Variants in DLC1 observed in about 807,000 individuals in gnomAD.
DLC1 encodes DLC1 Rho GTPase activating protein.
Under a neutral mutation model 140.3 loss-of-function variants are expected in DLC1, and 54 were observed. The ratio of observed to expected loss-of-function variants is 0.38; its 90% CI spans 0.31 to 0.48. The LOEUF (loss-of-function observed/expected upper bound fraction) is 0.48. Among genes scored for constraint, DLC1 ranks in the 20% least tolerant of loss-of-function variants. The pLI is 0.96. For synonymous variants in DLC1, 986 were observed against 728.1 expected, an observed-to-expected ratio of 1.35 and a Z score of -5.70; for missense variants, 2,536 against 1,907.0, an observed-to-expected ratio of 1.33 and a Z score of -6.14.
chr8:13,495,326 G>T (rs1801452474), intron 2 of DLC1, among the ~76,000 whole-genome samples: 2 of 152,004 alleles, frequency 1.3e-5, no homozygotes, highest in Admixed American at 1.3e-4. Flanking sequence ...CATCTCATCT[G>T]GTTTAAAGAG....
intron 5 of DLC1, among the ~76,000 whole-genome samples, chr8:13,152,268 G>A (rs534540239): frequency 1.3e-5 from 2 of 152,310 alleles, no homozygotes; most frequent in Non-Finnish European, 2.9e-5. Flanking sequence ...TCTAGTCATT[G>A]CTAATGGTGG....
At chr8:13,233,087 T>G (rs2697750) in intron 5 of DLC1, among the ~76,000 whole-genome samples, 71,886 of 151,648 alleles carry the variant, frequency 0.47, 17,553 homozygotes, top group East Asian at 0.81. Context: ...TTGAGGCCAG[T>G]AGTTTGAGAC....
chr8:13,578,505 G>T (rs752380000), intron 1 of DLC1, among the ~76,000 whole-genome samples: 13 of 152,086 alleles, frequency 8.5e-5, no homozygotes, highest in Non-Finnish European at 1.8e-4. Context: ...CAGGTTAAGA[G>T]CTCAGTCCTA....
intron 2 of DLC1, among the ~76,000 whole-genome samples, chr8:13,484,606 A>G (rs1277115899): frequency 1.3e-5 from 2 of 152,060 alleles, no homozygotes; most frequent in Non-Finnish European, 2.9e-5. Flanking sequence ...GTTACAACTC[A>G]TTCTTGATTC....
intron 1 of DLC1, among the ~76,000 whole-genome samples, chr8:13,524,652 G>T (rs2117292617): frequency 6.6e-6 from 1 of 151,638 alleles, no homozygotes; most frequent in Admixed American, 6.6e-5. Context: ...TCTTAAAGTT[G>T]CAAAGAAAGG....
At chr8:13,115,437 C>T (rs35858677) in intron 6 of DLC1, 149 bp downstream of exon 6, 1 of 697,438 alleles carries the variant, frequency 1.4e-6, no homozygotes, top group South Asian at 2.6e-5. Flanking sequence ...TTGTTTTCAG[C>T]GGTGGGGGTC....
At chr8:13,228,950 AGGATGTGGAG>A (rs1828926071) in intron 5 of DLC1, among the ~76,000 whole-genome samples, 1 of 152,182 alleles carries the variant, frequency 6.6e-6, no homozygotes, top group Non-Finnish European at 1.5e-5. Flanking sequence ...AGTGTTGGTA[AGGATGTGGAG>A]GGATTGGAAC....
chr8:13,417,913 G>T (rs780608882), intron 2 of DLC1, among the ~76,000 whole-genome samples: 8 of 152,108 alleles, frequency 5.3e-5, no homozygotes, highest in South Asian at 2.1e-4. Context: ...ATTCTAACTC[G>T]TGTGAGATGG....
At chr8:13,195,521 C>G (rs1041402636) in intron 5 of DLC1, among the ~76,000 whole-genome samples, 6 of 152,130 alleles carry the variant, frequency 3.9e-5, no homozygotes, top group African/African-American at 1.4e-4. Context: ...AATGAGGATG[C>G]TTAATTTCTA....
intron 1 of DLC1, among the ~76,000 whole-genome samples, chr8:13,544,167 C>T (rs1803577126): frequency 6.7e-6 from 1 of 150,052 alleles, no homozygotes; most frequent in South Asian, 2.1e-4. Flanking sequence ...TCTCTCTCCT[C>T]TCTTTGTCAT....
chr8:13,375,714 C>G (rs1356133386), intron 4 of DLC1, among the ~76,000 whole-genome samples: 2 of 118,306 alleles, frequency 1.7e-5, no homozygotes, highest in Non-Finnish European at 3.6e-5. Flanking sequence ...TCAATGATGA[C>G]TGTTATTTTA....
At chr8:13,227,475 G>A (rs1053393517) in intron 5 of DLC1, among the ~76,000 whole-genome samples, 5 of 152,148 alleles carry the variant, frequency 3.3e-5, no homozygotes, top group African/African-American at 7.2e-5. Context: ...ATACCACACA[G>A]TACATTAGTG....
intron 5 of DLC1, among the ~76,000 whole-genome samples, chr8:13,124,139 T>C (rs1246404673): frequency 6.6e-6 from 1 of 152,202 alleles, no homozygotes; most frequent in Admixed American, 6.5e-5. Flanking sequence ...TCATGCATAG[T>C]TTTTCTTCTA....
intron 4 of DLC1, among the ~76,000 whole-genome samples, chr8:13,370,771 G>A (rs958025351): frequency 2.0e-5 from 3 of 152,112 alleles, no homozygotes; most frequent in African/African-American, 7.2e-5. Context: ...AGCATCCCAA[G>A]CCTCATATTC....
chr8:13,567,955 G>C (rs964731705), intron 1 of DLC1: 31 of 1,529,588 alleles, frequency 2.0e-5, no homozygotes, highest in Non-Finnish European at 2.6e-5. Context: ...TGTGTAATGT[G>C]GATAGATGTC....
intron 1 of DLC1, among the ~76,000 whole-genome samples, chr8:13,522,532 G>C (rs1293727215): frequency 6.6e-6 from 1 of 152,034 alleles, no homozygotes; most frequent in Non-Finnish European, 1.5e-5. Context: ...GGCTGAGGCA[G>C]GAGAATCGCT....
chr8:13,198,900 A>T (rs1827218681), intron 5 of DLC1, among the ~76,000 whole-genome samples: 1 of 151,904 alleles, frequency 6.6e-6, no homozygotes. Flanking sequence ...TATTTTTAGT[A>T]GAGACGGGGT....
intron 3 of DLC1, among the ~76,000 whole-genome samples, chr8:13,395,216 G>A (rs572661662): frequency 4.0e-5 from 6 of 151,390 alleles, no homozygotes; most frequent in Non-Finnish European, 5.9e-5. Context: ...CACCTCCTGA[G>A]TTCATGCAAT....
intron 2 of DLC1, among the ~76,000 whole-genome samples, chr8:13,495,534 A>T (rs1202367424): frequency 6.6e-6 from 1 of 152,144 alleles, no homozygotes; most frequent in Non-Finnish European, 1.5e-5. Flanking sequence ...CAATTTCATT[A>T]TATATTTCAT....
Sources: gnomAD v4.1 joint callset for allele counts (sites outside exome capture counted in the v4.1 genomes callset) on GRCh38, gnomAD v4.1.1 for gene constraint, MANE v1.5 for transcripts, NCBI Gene and HGNC (gene_info 2026-07-23, HGNC 2026-07-21) for gene names.